PBLD: variants seen among roughly 807,000 people sequenced by gnomAD.
PBLD encodes phenazine biosynthesis like protein domain containing, also known as phenazine biosynthesis-like domain-containing protein.
A neutral mutation model predicts 31.3 loss-of-function variants in PBLD; 26 were observed. The observed-to-expected ratio is 0.83, with a 90% CI of 0.61 to 1.15. PBLD has a LOEUF of 1.15. Among genes scored for constraint, PBLD ranks in the 50% most tolerant of loss-of-function variants. The probability of loss-of-function intolerance (pLI) is 0.00; values close to 1 mark genes in which losing one functional copy is unlikely to be tolerated. For missense variants in PBLD, 307 were observed against 351.7 expected, an observed-to-expected ratio of 0.87 and a Z score of 1.02; for synonymous variants, 114 against 129.0, an observed-to-expected ratio of 0.88 and a Z score of 0.79.
Position 68,325,726 on chromosome 10 carries a change from T to G in PBLD, c.-60+7058A>C, listed in dbSNP as rs540824824. ...AGAGTTTCCACTTCTGCCGTTATTT[T>G]GTACATCCATGCCTTGGATCTTACT... On this transcript the variant is annotated intron_variant, in intron 1 of 9. Coordinates refer to ENST00000358769, the MANE Select transcript of PBLD (RefSeq NM_022129.4). Among the ~76,000 whole-genome samples, 8 of 152,354 alleles carry G rather than the reference T, an allele frequency of 5.3e-5. No homozygotes were observed. In the South Asian group the frequency reaches 1.7e-3, roughly 32 times the overall value.
chr10:68,303,563 G>A (rs1262154048), intron 2 of PBLD, among the ~76,000 whole-genome samples: 1 of 151,550 alleles, frequency 6.6e-6, no homozygotes, highest in Non-Finnish European at 1.5e-5. Context: ...GGGAGGCCGA[G>A]GTGGGAAGAT....
At chr10:68,288,066 T>A (rs1272825873) in intron 8 of PBLD, 1 of 163,436 alleles carries the variant, frequency 6.1e-6, no homozygotes. Flanking sequence ...CAAAAAGATA[T>A]AATAATACAA....
chr10:68,329,493 A>G (rs1448519612), intron 1 of PBLD, among the ~76,000 whole-genome samples: 1 of 152,244 alleles, frequency 6.6e-6, no homozygotes, highest in Non-Finnish European at 1.5e-5. Context: ...TCCATCTGCC[A>G]AATCGGTTGA....
In PBLD at chr10:68,325,168, C is replaced by T. The variant is rs540437055; in HGVS notation, c.-60+7616G>A. Among the ~76,000 whole-genome samples the T allele has an allele frequency of 1.2e-4, 18 of 151,560 alleles. No homozygotes were observed. The East Asian group carries it at 3.2e-3, about 27-fold the overall frequency. ...CTGAGGCAGGAGAATTGCTTGAACC[C>T]GGGAGGCGGAAGTTGCAGTGAGCTG... On this transcript the variant is annotated intron_variant, in intron 1 of 9. Transcript: ENST00000358769.
At chr10:68,313,700 C>T (rs1294860051) in intron 1 of PBLD, among the ~76,000 whole-genome samples, 2 of 152,144 alleles carry the variant, frequency 1.3e-5, no homozygotes, top group African/African-American at 4.8e-5. Flanking sequence ...TCTTGCTCCT[C>T]AAAAGCTCAA....
chr10:68,297,537 C>T (rs927928948), intron 2 of PBLD, among the ~76,000 whole-genome samples: 5 of 152,180 alleles, frequency 3.3e-5, no homozygotes, highest in African/African-American at 1.2e-4. Context: ...GTGCCCTTTA[C>T]TGTCTGGCCT....
chr10:68,307,507 TTTG>T (rs1419954789), intron 1 of PBLD, among the ~76,000 whole-genome samples: 1 of 152,058 alleles, frequency 6.6e-6, no homozygotes, highest in African/African-American at 2.4e-5. Context: ...TTTGTTTTGT[TTTG>T]TTTTTTTGAG....
chr10:68,321,252 C>T (rs56897212), intron 1 of PBLD, among the ~76,000 whole-genome samples: 6,251 of 152,114 alleles, frequency 0.041, 159 homozygotes, highest in Non-Finnish European at 0.045. Flanking sequence ...GTATGGAGAA[C>T]TGACTGTAGC....
chr10:68,306,243 C>T (rs552602521), intron 2 of PBLD, among the ~76,000 whole-genome samples: 7 of 152,200 alleles, frequency 4.6e-5, no homozygotes, highest in Admixed American at 1.3e-4. Flanking sequence ...ATGAGTCTTT[C>T]AGTAAGTTAT....
At chr10:68,314,332 C>T (rs997139916) in intron 1 of PBLD, among the ~76,000 whole-genome samples, 1 of 152,234 alleles carries the variant, frequency 6.6e-6, no homozygotes, top group East Asian at 1.9e-4. Flanking sequence ...TTTATAAGCA[C>T]TGGTGGAGTT....
rs180755105 is a variant in PBLD at position 68,289,396 on chromosome 10, G to A, written c.424-377C>T. Among the ~76,000 whole-genome samples, 140 of 152,090 alleles carry A rather than the reference G, an allele frequency of 9.2e-4. 1 individual carries two copies. Among genetic ancestry groups the A allele is most frequent in the African/African-American group, 2.8e-3 (117 of 41,510 alleles). On this transcript the variant is annotated intron_variant, in intron 6 of 9. Coordinates refer to ENST00000358769, the MANE Select transcript of PBLD (RefSeq NM_022129.4). ...ACAAAAATTAGTCGGGCATGGTGGT[G>A]CACTCCTGTAATCTCAGCTACTCGG...
In PBLD at chr10:68,319,662, A is replaced by C. The variant is rs527703899; in HGVS notation, c.-59-12759T>G. 3.3e-5 allele frequency among the ~76,000 whole-genome samples: 5 copies of C among 152,096 alleles called. No individual in the cohort carries two copies. In the South Asian group the frequency reaches 1.0e-3, roughly 32 times the overall value. On this transcript the variant is annotated intron_variant, in intron 1 of 9. Transcript: ENST00000358769. ...CTTGAACCTGGGAGGCGGAGGTTGC[A>C]GTGAGCTGGGATCACAACACTGCAC...
At chr10:68,290,333 A>G (rs1316243535) in intron 6 of PBLD, among the ~76,000 whole-genome samples, 2 of 152,170 alleles carry the variant, frequency 1.3e-5, no homozygotes, top group African/African-American at 2.4e-5. Flanking sequence ...CTTCCTCAAG[A>G]AATGGGAACT....
In PBLD at chr10:68,288,604, T is replaced by G. The variant is rs779428236; in HGVS notation, c.570A>C (p.Thr190=). Residue 190 remains threonine, a synonymous_variant, in exon 8 of 10, where the codon ACA becomes ACC. Transcript: ENST00000358769. ...NTENLLQVEN[T]GKVKGLILTL... ...TAAGAATAAGCCCTTTCACCTTCCC[T>G]GTGTTTTCAACTTGCAGCAGATTCT... The G allele has an allele frequency of 1.2e-6, 2 of 1,614,178 alleles. No homozygotes were observed. Among genetic ancestry groups the G allele is most frequent in the Admixed American group, 1.7e-5 (1 of 60,006 alleles).
At chr10:68,309,815 A>G (rs1197079984) in intron 1 of PBLD, among the ~76,000 whole-genome samples, 6 of 139,390 alleles carry the variant, frequency 4.3e-5, no homozygotes, top group Non-Finnish European at 8.1e-5. Flanking sequence ...CAAAAAAAAA[A>G]AAAAAAAGAA....
rs369894210 is a variant in PBLD at position 68,298,356 on chromosome 10, G to A, written c.85-1371C>T. The stretch of plus-strand genomic sequence containing the variant: ...CATGCCTATAATCCCAGCACTTTGG[G>A]AGGCTCATGCCTATAATGCCAGCAC... On this transcript the variant is annotated intron_variant, in intron 2 of 9. Coordinates refer to ENST00000358769, the MANE Select transcript of PBLD (RefSeq NM_022129.4). 7.9e-5 allele frequency among the ~76,000 whole-genome samples: 12 copies of A among 152,290 alleles called. No homozygotes were observed. In the South Asian group the frequency reaches 2.1e-3, roughly 26 times the overall value.
At chr10:68,305,477 G>A (rs527532829) in intron 2 of PBLD, among the ~76,000 whole-genome samples, 59 of 151,950 alleles carry the variant, frequency 3.9e-4, no homozygotes, top group Non-Finnish European at 7.4e-4. Context: ...ACTGCTGGCC[G>A]GGCGCGGTGC....
intron 2 of PBLD, among the ~76,000 whole-genome samples, chr10:68,301,186 G>A (rs1261786882): frequency 5.3e-5 from 8 of 152,022 alleles, no homozygotes; most frequent in African/African-American, 1.9e-4. Flanking sequence ...ATGAGCCACC[G>A]CACCCGCCCA....
chr10:68,317,889 G>A (rs1376063789), intron 1 of PBLD, among the ~76,000 whole-genome samples: 5 of 152,030 alleles, frequency 3.3e-5, no homozygotes, highest in Non-Finnish European at 7.4e-5. Flanking sequence ...CTTCAAAATG[G>A]TTAAGAGGGT....
Sources: allele counts gnomAD v4.1 joint callset (sites outside exome capture counted in the v4.1 genomes callset), GRCh38; gene constraint gnomAD v4.1.1; transcripts MANE v1.5; gene names NCBI Gene and HGNC (gene_info 2026-07-23, HGNC 2026-07-21).